The following WDR41 variants were observed in gnomAD, a reference collection of about 807,000 sequenced individuals.
WDR41 encodes the protein WD repeat-containing protein 41.
In WDR41, 63 loss-of-function variants were observed where a neutral mutation model predicts 69.3. The ratio of observed to expected loss-of-function variants is 0.91; its 90% CI spans 0.74 to 1.12. WDR41 has a LOEUF of 1.12. WDR41 is among the 50% of genes most tolerant of loss of function. WDR41 has a pLI of 0.00. For synonymous variants in WDR41, 185 were observed against 192.1 expected (o/e 0.96, Z 0.31); for missense variants, 543 against 534.5 (o/e 1.02, Z -0.16).
chr5:77,585,335 A>C (rs142252411), intron 1 of WDR41, among the ~76,000 whole-genome samples: 1 of 152,182 alleles, frequency 6.6e-6, no homozygotes, highest in South Asian at 2.1e-4. Flanking sequence ...GTATGTTGGC[A>C]TGAATGTGGT....
At chr5:77,439,470 C>T (rs1799074958) in intron 9 of WDR41, among the ~76,000 whole-genome samples, 1 of 152,204 alleles carries the variant, frequency 6.6e-6, no homozygotes, top group South Asian at 2.1e-4. Flanking sequence ...AGCCAATGTA[C>T]TAAAATGGAA....
intron 1 of WDR41, among the ~76,000 whole-genome samples, chr5:77,565,154 A>G (rs539374021): frequency 5.6e-4 from 85 of 152,272 alleles, no homozygotes; most frequent in African/African-American, 1.9e-3. Flanking sequence ...TTACTGAATC[A>G]GAAGACTTGG....
chr5:77,452,207 A>G (rs965466222), intron 6 of WDR41: 3 of 152,216 alleles, frequency 2.0e-5, no homozygotes, highest in Admixed American at 2.0e-4. Context: ...TAGGTTTTGT[A>G]TTTTCCCATG....
At chr5:77,433,320 C>G (rs781464247) in intron 12 of WDR41, 33 bp from the exon 13 acceptor site, 2 of 1,596,926 alleles carry the variant, frequency 1.3e-6, no homozygotes, top group Non-Finnish European at 1.7e-6. Flanking sequence ...TTATAGGGAC[C>G]CCGAAAAGCA....
At chr5:77,511,304 G>C (rs1279739360) in intron 1 of WDR41, among the ~76,000 whole-genome samples, 1 of 152,060 alleles carries the variant, frequency 6.6e-6, no homozygotes, top group Non-Finnish European at 1.5e-5. Context: ...CTTATTCAAA[G>C]AATTGTTCTG....
intron 1 of WDR41, chr5:77,582,277 T>G: frequency 4.3e-6 from 5 of 1,172,672 alleles, no homozygotes; most frequent in Non-Finnish European, 6.2e-6. Context: ...AATTACCAAC[T>G]CTGGCTCAGC....
intron 1 of WDR41, among the ~76,000 whole-genome samples, chr5:77,573,281 T>A (rs552989906): frequency 2.0e-5 from 3 of 152,192 alleles, no homozygotes; most frequent in South Asian, 2.1e-4. Flanking sequence ...ATTTTTTTTT[T>A]AATTTTACTT....
chr5:77,487,456 A>G (rs2112105608), intron 2 of WDR41, among the ~76,000 whole-genome samples: 1 of 152,346 alleles, frequency 6.6e-6, no homozygotes. Flanking sequence ...ATTGTTTAAC[A>G]TGCCATGATT....
rs969685986 is a variant in WDR41 at position 77,431,376 on chromosome 5, A to ATAAAG, written c.*1754_*1758dup. On this transcript the variant is annotated 3_prime_UTR_variant, in exon 13 of 13. Transcript: ENST00000296679. ...AGATGATTGTTAGCATTTTTTAGCA[A>ATAAAG]TAAAGTATTCTTAAGGTATGTACAT... is the stretch of plus-strand genomic sequence containing the variant. 6.6e-6 allele frequency: 1 copy of ATAAAG among 152,258 alleles called. No homozygotes were observed. Among genetic ancestry groups the ATAAAG allele is most frequent in the Non-Finnish European group, 1.5e-5 (1 of 68,052 alleles). 9.4% of individuals were successfully genotyped at this position (152,258 alleles called of 1,614,324 possible).
At chr5:77,543,354 A>C (rs1481141805) in intron 1 of WDR41, among the ~76,000 whole-genome samples, 1 of 152,234 alleles carries the variant, frequency 6.6e-6, no homozygotes, top group Non-Finnish European at 1.5e-5. Flanking sequence ...TACTAAGCTA[A>C]TCAGGGAGGC....
chr5:77,479,866 T>C (rs1255806796), intron 2 of WDR41, among the ~76,000 whole-genome samples: 2 of 151,378 alleles, frequency 1.3e-5, no homozygotes, highest in African/African-American at 2.4e-5. Flanking sequence ...CAAAAGAAAC[T>C]ACCATCAGAG....
chr5:77,538,696 AC>A (rs1743033070), intron 1 of WDR41, among the ~76,000 whole-genome samples: 2 of 152,196 alleles, frequency 1.3e-5, no homozygotes, highest in African/African-American at 2.4e-5. Flanking sequence ...TTAAAAATGT[AC>A]ATTGAAGTCA....
chr5:77,475,082 C>G (rs1800843197), intron 2 of WDR41, among the ~76,000 whole-genome samples: 1 of 152,200 alleles, frequency 6.6e-6, no homozygotes, highest in Non-Finnish European at 1.5e-5. Context: ...TCGGGTCACT[C>G]CCACCCTAAT....
At chr5:77,602,987 A>G (rs116357763) in intron 1 of WDR41, among the ~76,000 whole-genome samples, 2,471 of 143,526 alleles carry the variant, frequency 0.017, 64 homozygotes, top group African/African-American at 0.061. Flanking sequence ...GGCCCAGGCT[A>G]GAGTGCAGTG....
chr5:77,485,286 T>C (rs1801463759), intron 2 of WDR41, among the ~76,000 whole-genome samples: 1 of 152,200 alleles, frequency 6.6e-6, no homozygotes, highest in Non-Finnish European at 1.5e-5. Flanking sequence ...GGATCTAAAC[T>C]ATACTGATTT....
At chr5:77,433,358 A>G (rs1369142774) in intron 12 of WDR41, 71 bp from the exon 13 acceptor site, 5 of 1,442,920 alleles carry the variant, frequency 3.5e-6, no homozygotes, top group Non-Finnish European at 4.7e-6. Context: ...ACATTAACAC[A>G]TGTGCGTGTG....
chr5:77,499,705 TA>T (rs1801989054), intron 1 of WDR41: 1 of 152,058 alleles, frequency 6.6e-6, no homozygotes, highest in South Asian at 2.1e-4. Flanking sequence ...ATAGTGGAAA[TA>T]GAAGAGTTCA....
intron 1 of WDR41, among the ~76,000 whole-genome samples, chr5:77,608,294 A>T (rs988354892): frequency 6.6e-6 from 1 of 152,166 alleles, no homozygotes. Flanking sequence ...TAAAATGTTG[A>T]TAGGGAATTG....
intron 1 of WDR41, among the ~76,000 whole-genome samples, chr5:77,554,756 C>T (rs923405988): frequency 6.8e-6 from 1 of 147,986 alleles, no homozygotes; most frequent in East Asian, 2.0e-4. Context: ...CAGGAAGGAT[C>T]CTTGTTGTGC....
Sources: gnomAD v4.1 joint callset for allele counts (sites outside exome capture counted in the v4.1 genomes callset) on GRCh38, gnomAD v4.1.1 for gene constraint, MANE v1.5 for transcripts, NCBI Gene and HGNC (gene_info 2026-07-23, HGNC 2026-07-21) for gene names.